Variants in COG4 observed in about 807,000 individuals in gnomAD.
The protein encoded by COG4 is conserved oligomeric Golgi complex subunit 4.
COG4 carries 65 observed loss-of-function variants against 95.1 expected under a neutral mutation model. That is an observed-to-expected ratio of 0.68 (90% CI 0.56 to 0.84). COG4 has a LOEUF of 0.84. COG4 is among the 40% of genes least tolerant of loss of function. COG4 has a pLI of 0.00. For synonymous variants in COG4, 421 were observed against 374.8 expected (o/e 1.12, Z -1.42); for missense variants, 1,045 against 989.1 (o/e 1.06, Z -0.76).
At chr16:70,501,845 T>A (rs2049458422) in intron 8 of COG4, among the ~76,000 whole-genome samples, 2 of 151,510 alleles carry the variant, frequency 1.3e-5, no homozygotes, top group African/African-American at 4.9e-5. Context: ...CAGATTTTTG[T>A]ATCTTTAGTA....
At chr16:70,506,614 A>AG (rs2049577356) in intron 8 of COG4, among the ~76,000 whole-genome samples, 1 of 60,674 alleles carries the variant, frequency 1.6e-5, no homozygotes, top group Non-Finnish European at 3.2e-5. Flanking sequence ...AAAAAAAAAA[A>AG]AAACAAAAAA....
chr16:70,486,792 C>T (rs938886527), intron 13 of COG4, among the ~76,000 whole-genome samples: 4 of 150,806 alleles, frequency 2.7e-5, no homozygotes, highest in African/African-American at 9.8e-5. Context: ...GTGAAGAGAT[C>T]AAGACCATCC....
chr16:70,517,135 G>A (rs1344361976), intron 3 of COG4, among the ~76,000 whole-genome samples: 3 of 152,084 alleles, frequency 2.0e-5, no homozygotes, highest in Non-Finnish European at 4.4e-5. Context: ...CTGGGCTCAA[G>A]CAATCCTCCT....
chr16:70,518,936 C>G (rs2049879842), intron 2 of COG4, among the ~76,000 whole-genome samples: 1 of 151,248 alleles, frequency 6.6e-6, no homozygotes, highest in Non-Finnish European at 1.5e-5. Flanking sequence ...GAGATCATGC[C>G]ACTGCACTCC....
In COG4 at chr16:70,509,327, T is replaced by C. The variant is rs144931852; in HGVS notation, c.906A>G (p.Arg302=). ...PIVETYYGPG[R]LYTLIKYLQV... ...GCAGATATTTGATCAGGGTATAGAG[T>C]CTCCCTGGCCCATAATAGGTCTCCA... Residue 302 remains arginine (R), a synonymous_variant, in exon 7 of 19, where the codon AGA becomes AGG. Coordinates refer to ENST00000323786, the MANE Select transcript of COG4 (RefSeq NM_015386.3). 2 of 1,613,944 alleles carry C rather than the reference T, an allele frequency of 1.2e-6. No individual in the cohort carries two copies. The highest frequency in any genetic ancestry group is 2.7e-5 in the African/African-American group (2 of 74,890).
rs760671753 is a variant in COG4 at position 70,510,001 on chromosome 16, C to G, written c.759G>C (p.Glu253Asp). The change falls in exon 6 of 19, where the codon GAG (glutamate) becomes GAC (aspartate). Residue 253 changes from glutamate (E) to aspartate (D), a missense_variant. By Grantham distance (45) the Glu-to-Asp change is conservative. Transcript: ENST00000323786. ...CTGTCCCCAGCACCATGAGCAGATTCTCCTCAGCTTTACTGGCCACCTAAA... is the reference window on the plus strand; with the variant it reads ...CTGTCCCCAGCACCATGAGCAGATTGTCCTCAGCTTTACTGGCCACCTAAA... ...LCKQVASKAE[E>D]NLLMVLGTDM... 3 of 1,614,066 alleles carry G rather than the reference C, an allele frequency of 1.9e-6. No homozygotes were observed. The highest frequency in any genetic ancestry group is 2.5e-6 in the Non-Finnish European group (3 of 1,179,952).
chr16:70,523,151 G>A (rs1473185933), intron 1 of COG4: 4 of 588,866 alleles, frequency 6.8e-6, no homozygotes, highest in African/African-American at 1.9e-5. Context: ...AGGGAGGAGA[G>A]GCTGCAGATC....
rs753426724 is a variant in COG4 at position 70,501,037 on chromosome 16, T to C, written c.1116A>G (p.Leu372=). 11 of 1,613,916 alleles carry C rather than the reference T, an allele frequency of 6.8e-6. No individual in the cohort carries two copies. In the African/African-American group the frequency reaches 1.1e-4, roughly 16 times the overall value. Residue 372 remains leucine, a synonymous_variant, in exon 9 of 19, where the codon CTA becomes CTG. Coordinates refer to ENST00000323786, the MANE Select transcript of COG4 (RefSeq NM_015386.3). The stretch of plus-strand genomic sequence containing the variant: ...TCCTCTTCTTGAGGAAGCGTAAGTA[T>C]AGCTCACTGCGGGCATTCATCAGGG... ...EVTLMNARSE[L]YLRFLKKRIS... is the part of the protein sequence containing the mutation.
chr16:70,511,536 G>C (rs1567391990), intron 5 of COG4, among the ~76,000 whole-genome samples: 1 of 150,960 alleles, frequency 6.6e-6, no homozygotes, highest in Non-Finnish European at 1.5e-5. Context: ...GTAACACAGT[G>C]AGACCGTTTC....
intron 9 of COG4, among the ~76,000 whole-genome samples, chr16:70,498,454 G>A (rs1036699274): frequency 2.0e-5 from 3 of 151,176 alleles, no homozygotes; most frequent in Non-Finnish European, 2.9e-5. Context: ...TCAGCCTCCC[G>A]AGTAGCTGGG....
At chr16:70,495,892 T>C (rs1438093560) in intron 12 of COG4, among the ~76,000 whole-genome samples, 1 of 152,222 alleles carries the variant, frequency 6.6e-6, no homozygotes. Context: ...CGCCTGCCCA[T>C]GCTGCGGGCC....
At position 70,497,851 on chromosome 16, in the gene COG4, T is replaced by G. The variant is rs2303791; in HGVS notation, c.1314+86A>C. 465,934 of 838,882 alleles carry G rather than the reference T, an allele frequency of 0.56. 136,557 individuals are homozygous for G. The highest frequency in any genetic ancestry group is 0.91 in the African/African-American group (54,889 of 60,344). The allele number at this position is 838,882 out of a possible 1,614,324, so 52.0% of individuals were successfully genotyped here. On this transcript the variant is annotated intron_variant, in intron 10 of 18. Coordinates refer to ENST00000323786, the MANE Select transcript of COG4 (RefSeq NM_015386.3). ...AAGAGTATTCTCAAAGCAGGACCAA[T>G]AAATATGACATGCCTCAGCCATTTC...
intron 12 of COG4, 104 bp downstream of exon 12, chr16:70,496,161 TG>T: frequency 8.4e-7 from 1 of 1,187,756 alleles, no homozygotes; most frequent in Non-Finnish European, 1.2e-6. Flanking sequence ...ATATAGACAC[TG>T]GAGGAAAAGT....
chr16:70,517,552 T>G (rs988950563), intron 3 of COG4, 74 bp downstream of exon 3: 1 of 835,454 alleles, frequency 1.2e-6, no homozygotes, highest in African/African-American at 2.0e-5. Flanking sequence ...TGTACCACTG[T>G]ACTCCAGCCT....
intron 14 of COG4, 77 bp downstream of exon 14, chr16:70,483,776 A>C (rs2049063816): frequency 8.6e-7 from 1 of 1,167,128 alleles, no homozygotes; most frequent in Non-Finnish European, 1.3e-6. Context: ...TTCCTTGCAC[A>C]CGATGAGCCA....
intron 17 of COG4, 44 bp from the exon 18 acceptor site, chr16:70,481,531 G>A (rs776643435): frequency 1.2e-6 from 2 of 1,609,252 alleles, no homozygotes; most frequent in South Asian, 2.2e-5. Context: ...GCCTGGCCAA[G>A]CAGAACTGGC....
At chr16:70,499,178 T>G (rs776831923) in intron 9 of COG4, among the ~76,000 whole-genome samples, 7 of 152,340 alleles carry the variant, frequency 4.6e-5, no homozygotes, top group Non-Finnish European at 5.9e-5. Context: ...ACTGAATATT[T>G]TTTTTTTTAT....
At chr16:70,514,129 G>C (rs2049771870) in intron 4 of COG4, among the ~76,000 whole-genome samples, 1 of 152,020 alleles carries the variant, frequency 6.6e-6, no homozygotes, top group Non-Finnish European at 1.5e-5. Context: ...AGAATCGCTT[G>C]AACCCAGAAG....
intron 6 of COG4, 52 bp downstream of exon 6, chr16:70,509,864 G>T: frequency 7.6e-7 from 1 of 1,312,844 alleles, no homozygotes; most frequent in Non-Finnish European, 1.1e-6. Context: ...AGGCTAGGAT[G>T]CAGGTGTCAT....
Sources: allele counts gnomAD v4.1 joint callset (sites outside exome capture counted in the v4.1 genomes callset), GRCh38; gene constraint gnomAD v4.1.1; transcripts MANE v1.5; gene names NCBI Gene and HGNC (gene_info 2026-07-23, HGNC 2026-07-21).